Variants in KIF11 observed in about 807,000 individuals in gnomAD.
KIF11 encodes kinesin family member 11.
Under a neutral mutation model 121.0 loss-of-function variants are expected in KIF11, and 9 were observed. The ratio of observed to expected loss-of-function variants is 0.07; its 90% CI spans 0.04 to 0.13. KIF11 has a LOEUF of 0.13. Among genes scored for constraint, KIF11 ranks in the 10% least tolerant of loss-of-function variants. The pLI, the probability that KIF11 is intolerant of heterozygous loss-of-function variation, is 1.00. For missense variants in KIF11, 846 were observed against 1,217.5 expected, an observed-to-expected ratio of 0.69 and a Z score of 4.54; for synonymous variants, 408 against 421.0, an observed-to-expected ratio of 0.97 and a Z score of 0.38.
chr10:92,621,270 CTTT>C (rs373123460), intron 9 of KIF11, 112 bp from the exon 10 acceptor site: 3 of 534,926 alleles, frequency 5.6e-6, no homozygotes, highest in African/African-American at 3.9e-5. Flanking sequence ...TATCATACTT[CTTT>C]AAGTTTTAAA....
Position 92,654,055 on chromosome 10 carries a change from A to G in KIF11, c.*259A>G. The G allele has an allele frequency of 3.6e-6, 1 of 274,410 alleles. No individual in the cohort carries two copies. The allele number at this position is 274,410 out of a possible 1,614,324, so 17.0% of individuals were successfully genotyped here. A position where few individuals can be genotyped will look rare whatever the true frequency, so the allele number is the denominator to read the frequency against. On this transcript the variant is annotated 3_prime_UTR_variant, in exon 22 of 22. Transcript: ENST00000260731. ...GCCGGGCGTGGTGGCACACTCCTGT[A>G]ATCCCAGCTACTGGGGAGGCTGAGG...
At chr10:92,651,837 T>C (rs1390854147) in intron 21 of KIF11, among the ~76,000 whole-genome samples, 2 of 151,998 alleles carry the variant, frequency 1.3e-5, no homozygotes, top group African/African-American at 4.8e-5. Context: ...AGTGCTGGTA[T>C]CTTTTCCTCT....
At chr10:92,607,313 C>T (rs918374706) in intron 4 of KIF11, 76 bp downstream of exon 4, 12 of 827,470 alleles carry the variant, frequency 1.5e-5, no homozygotes, top group Middle Eastern at 3.6e-4. Flanking sequence ...TTGAGGGCCT[C>T]TGTCTTGGAA....
chr10:92,631,394 G>C (rs1482774589), intron 12 of KIF11, among the ~76,000 whole-genome samples: 1 of 140,088 alleles, frequency 7.1e-6, no homozygotes, highest in Non-Finnish European at 1.5e-5. Context: ...TCGCTCTGTC[G>C]CCCAGGCCGG....
intron 10 of KIF11, among the ~76,000 whole-genome samples, chr10:92,622,158 T>C (rs73327516): frequency 1.0e-3 from 156 of 152,178 alleles, no homozygotes; most frequent in African/African-American, 3.0e-3. Flanking sequence ...CCCGTAATCA[T>C]AGCTACTCCA....
intron 5 of KIF11, 47 bp from the exon 6 acceptor site, chr10:92,609,338 G>GTA (rs1844470452): frequency 2.1e-6 from 3 of 1,459,980 alleles, no homozygotes; most frequent in Middle Eastern, 2.2e-4. Context: ...GTGTGTGTGT[G>GTA]TGTGTTTTAA....
intron 1 of KIF11, among the ~76,000 whole-genome samples, chr10:92,597,637 GGTTTGTTTGTTT>G (rs199828144): frequency 6.6e-6 from 1 of 150,872 alleles, no homozygotes; most frequent in Admixed American, 6.6e-5. Context: ...TTTTCCCTTG[GGTTTGTTTGTTT>G]GTTTGTTTGT....
At chr10:92,632,173 T>C (rs1283515300) in intron 12 of KIF11, among the ~76,000 whole-genome samples, 1 of 147,408 alleles carries the variant, frequency 6.8e-6, no homozygotes, top group Non-Finnish European at 1.5e-5. Context: ...TAAAATTGAC[T>C]TTTTTTTTTT....
chr10:92,614,021 T>TATATACACAC (rs1284311727), intron 8 of KIF11, among the ~76,000 whole-genome samples: 1 of 127,058 alleles, frequency 7.9e-6, no homozygotes, highest in African/African-American at 3.2e-5. Context: ...AGTATGTGTA[T>TATATACACAC]ACACACACAC....
At chr10:92,620,305 C>T (rs1343056198) in intron 9 of KIF11, among the ~76,000 whole-genome samples, 1 of 152,092 alleles carries the variant, frequency 6.6e-6, no homozygotes, top group African/African-American at 2.4e-5. Flanking sequence ...TAGTCTTGAT[C>T]TCCTGACCTT....
At position 92,593,246 on chromosome 10, in the gene KIF11, C is replaced by T. The variant is rs1844250999; in HGVS notation, c.-130C>T. The T allele has an allele frequency of 2.4e-6, 2 of 819,808 alleles. No homozygotes were observed. The allele number at this position is 819,808 out of a possible 1,614,324, so 50.8% of individuals were successfully genotyped here. A position where few individuals can be genotyped will look rare whatever the true frequency, so the allele number is the denominator to read the frequency against. On this transcript the variant is annotated 5_prime_UTR_variant, in exon 1 of 22. Transcript: ENST00000260731. ...AGCGGGGACGCCGACCTGCGTGCGTCGGTCCTCCAGGCCACGCCAGCGCCC... is the reference window on the plus strand; with the variant it reads ...AGCGGGGACGCCGACCTGCGTGCGTTGGTCCTCCAGGCCACGCCAGCGCCC...
intron 1 of KIF11, among the ~76,000 whole-genome samples, chr10:92,595,679 C>G (rs1032528835): frequency 6.6e-6 from 1 of 152,138 alleles, no homozygotes; most frequent in Non-Finnish European, 1.5e-5. Context: ...ATCTCCATAA[C>G]TCTTTTCATC....
chr10:92,644,953 T>A (rs1316740102), intron 17 of KIF11, among the ~76,000 whole-genome samples: 1 of 152,226 alleles, frequency 6.6e-6, no homozygotes, highest in Non-Finnish European at 1.5e-5. Flanking sequence ...GTAATGTTCA[T>A]GATTTGTTTT....
At chr10:92,652,314 A>G (rs1844995814) in intron 21 of KIF11, among the ~76,000 whole-genome samples, 1 of 151,718 alleles carries the variant, frequency 6.6e-6, no homozygotes, top group Admixed American at 6.6e-5. Context: ...CTAATATTGT[A>G]TTTTTAGTAG....
chr10:92,597,117 T>C (rs1321661378), intron 1 of KIF11: 1 of 299,122 alleles, frequency 3.3e-6, no homozygotes, highest in East Asian at 8.9e-5. Flanking sequence ...CAGGGTTTCT[T>C]CTGCTTTGGC....
At chr10:92,619,852 T>TC (rs143809494) in intron 9 of KIF11, among the ~76,000 whole-genome samples, 22,434 of 150,666 alleles carry the variant, frequency 0.15, 3,543 homozygotes, top group African/African-American at 0.4. Context: ...TATATTTATT[T>TC]CCCATTATAA....
chr10:92,619,674 A>G (rs1844597288), intron 9 of KIF11, among the ~76,000 whole-genome samples: 1 of 151,984 alleles, frequency 6.6e-6, no homozygotes, highest in African/African-American at 2.4e-5. Context: ...AGTCATTCTG[A>G]TAGGTGTGGT....
At chr10:92,640,322 T>G (rs1252192694) in intron 17 of KIF11, among the ~76,000 whole-genome samples, 2 of 152,276 alleles carry the variant, frequency 1.3e-5, no homozygotes, top group Non-Finnish European at 2.9e-5. Context: ...TGCACTGCAG[T>G]GGCAAAGTTG....
chr10:92,619,697 T>C (rs1486345636), intron 9 of KIF11, among the ~76,000 whole-genome samples: 1 of 152,090 alleles, frequency 6.6e-6, no homozygotes, highest in African/African-American at 2.4e-5. Flanking sequence ...GTGATAGATA[T>C]CTCATTGTGG....
Sources: gnomAD v4.1 joint callset for allele counts (sites outside exome capture counted in the v4.1 genomes callset) on GRCh38, gnomAD v4.1.1 for gene constraint, MANE v1.5 for transcripts, NCBI Gene and HGNC (gene_info 2026-07-23, HGNC 2026-07-21) for gene names.